The following SCUBE3 variants were observed in gnomAD, a reference collection of about 807,000 sequenced individuals.
The protein encoded by SCUBE3 is signal peptide, CUB domain and EGF like domain containing 3, also known as signal peptide, CUB and EGF-like domain-containing protein 3.
Under a neutral mutation model 116.8 loss-of-function variants are expected in SCUBE3, and 33 were observed. The observed-to-expected ratio is 0.28, with a 90% CI of 0.21 to 0.38. SCUBE3 has a LOEUF of 0.38. SCUBE3 is among the 10% of genes least tolerant of loss of function. SCUBE3 has a pLI of 1.00. For missense variants in SCUBE3, 1,007 were observed against 1,324.8 expected (o/e 0.76, Z 3.72); for synonymous variants, 418 against 496.9 (o/e 0.84, Z 2.11).
rs1783381316 is a variant in SCUBE3 at position 35,227,651 on chromosome 6, T to C, written c.157T>C (p.Tyr53His). Residue 53 changes from tyrosine to histidine, a missense_variant, in exon 2 of 22, where the codon TAC becomes CAC. Around this residue, in one of 5 missense-constraint regions of SCUBE3, gnomAD observed 94 missense variants for 92.0 expected, o/e 1.02. Transcript: ENST00000274938. Reference protein sequence around the residue: ...DAICQNTPRSYKCICKSGYTG... With the variant: ...DAICQNTPRSHKCICKSGYTG... ...TATCTGCCAGAACACCCCGAGGTCA[T>C]ACAAGTGCATCTGCAAGTCTGGCTA... is the stretch of plus-strand genomic sequence containing the variant. The C allele has an allele frequency of 6.2e-7, 1 of 1,614,128 alleles. No homozygotes were observed. Among genetic ancestry groups the C allele is most frequent in the Non-Finnish European group, 8.5e-7 (1 of 1,180,006 alleles).
chr6:35,233,326 A>C lies in SCUBE3; in HGVS notation c.712+25A>C. 1 of 1,263,004 alleles carries C rather than the reference A, an allele frequency of 7.9e-7. No individual in the cohort carries two copies. The highest frequency in any genetic ancestry group is 1.2e-6 in the Non-Finnish European group (1 of 862,192). The allele number at this position is 1,263,004 out of a possible 1,614,324, so 78.2% of individuals were successfully genotyped here. Reference sequence around the variant, plus strand: ...GGTGGGTGAGGCCAGGGGAGAACTCAGTCCACCTGAGATGGGGTGGGGGTG... The same window carrying C: ...GGTGGGTGAGGCCAGGGGAGAACTCCGTCCACCTGAGATGGGGTGGGGGTG... On this transcript the variant is annotated intron_variant, in intron 6 of 21. Transcript: ENST00000274938. This position sits in a 1 kb window ranked among gnomAD's most constrained non-coding sequence, Gnocchi z 5.7.
chr6:35,242,045 C>T (rs1294371180), intron 12 of SCUBE3, 135 bp downstream of exon 12: 8 of 836,650 alleles, frequency 9.6e-6, no homozygotes, highest in Admixed American at 8.8e-5. Flanking sequence ...AACCCTGCTC[C>T]CTCACTCCCT....
chr6:35,242,221 A>G lies in SCUBE3; in HGVS notation c.1435A>G (p.Ile479Val). Residue 479 changes from isoleucine to valine, a missense_variant, in exon 13 of 22, where the codon ATT becomes GTT. Coordinates refer to ENST00000274938, the MANE Select transcript of SCUBE3 (RefSeq NM_152753.4). ...NHCHEAAVLS[I>V]KQRASFKIKD... The stretch of plus-strand genomic sequence containing the variant: ...CCCTCTAGAGGCTGCAGTGCTGTCC[A>G]TTAAACAACGGGCCTCCTTCAAGAT... 1.9e-6 allele frequency: 3 copies of G among 1,613,712 alleles called. No homozygotes were observed. The highest frequency in any genetic ancestry group is 1.1e-5 in the South Asian group (1 of 91,052).
Position 35,226,585 on chromosome 6 carries a change from C to T in SCUBE3, c.86-995C>T, listed in dbSNP as rs998612779. On this transcript the variant is annotated intron_variant, in intron 1 of 21. Coordinates refer to ENST00000274938, the MANE Select transcript of SCUBE3 (RefSeq NM_152753.4). Reference sequence around the variant, plus strand: ...GCAACCTCCGCCTCCCTGGTTCAAGCGATTCTCCTGCCACAGCCTCCTGAG... The same window carrying T: ...GCAACCTCCGCCTCCCTGGTTCAAGTGATTCTCCTGCCACAGCCTCCTGAG... 9.0e-5 allele frequency among the ~76,000 whole-genome samples: 13 copies of T among 143,938 alleles called. No homozygotes were observed. In the South Asian group the frequency reaches 1.2e-3, roughly 13 times the overall value. 94.4% of individuals were successfully genotyped at this position (143,938 alleles called of 152,430 possible). A position where few individuals can be genotyped will look rare whatever the true frequency, so the allele number is the denominator to read the frequency against.
intron 21 of SCUBE3, 101 bp downstream of exon 21, chr6:35,246,386 A>T: frequency 4.7e-6 from 4 of 851,646 alleles, no homozygotes; most frequent in Non-Finnish European, 3.9e-6. Context: ...CACTTGATAG[A>T]CACAATAGCT....
At position 35,228,725 on chromosome 6, in the gene SCUBE3, G is replaced by A; in HGVS notation, c.320G>A (p.Gly107Glu). ...GATGGATTCCACCTGGCACATGACGGACACAACTGTCTGGGTAAGCAAAGG... is the reference window on the plus strand; with the variant it reads ...GATGGATTCCACCTGGCACATGACGAACACAACTGTCTGGGTAAGCAAAGG... The part of the protein sequence containing the change: ...CYDGFHLAHD[G>E]HNCLDVDECA... The change falls in exon 3 of 22, where the codon GGA becomes GAA. Residue 107 changes from glycine (G) to glutamate (E), a missense_variant. This residue lies in a region of SCUBE3 where 37 missense variants were observed against 80.6 expected (regional missense o/e 0.46). Coordinates refer to ENST00000274938, the MANE Select transcript of SCUBE3 (RefSeq NM_152753.4). The surrounding 1 kb of genome is among the most constrained non-coding windows in gnomAD (Gnocchi z 4.9). The A allele has an allele frequency of 6.2e-7, 1 of 1,614,130 alleles. No homozygotes were observed.
Position 35,242,957 on chromosome 6 carries a change from C to T in SCUBE3, c.1694-64C>T, listed in dbSNP as rs987810413. 33 of 1,558,240 alleles carry T rather than the reference C, an allele frequency of 2.1e-5. No homozygotes were observed. In the African/African-American group the frequency reaches 4.2e-4, roughly 20 times the overall value. ...GCCCCTCCTAGCTCCCAGCTTTGCT[C>T]CCCTGCCCTCCTGCTCACAGCAACT... On this transcript the variant is annotated intron_variant, in intron 14 of 21. Coordinates refer to ENST00000274938, the MANE Select transcript of SCUBE3 (RefSeq NM_152753.4).
Position 35,241,713 on chromosome 6 carries a change from G to T in SCUBE3, c.1312+54G>T, listed in dbSNP as rs1197664585. 1 of 1,508,450 alleles carries T rather than the reference G, an allele frequency of 6.6e-7. No homozygotes were observed. Among genetic ancestry groups the T allele is most frequent in the East Asian group, 2.3e-5 (1 of 44,326 alleles). 93.4% of individuals were successfully genotyped at this position (1,508,450 alleles called of 1,614,324 possible). ...TTGGAGGAGAAAAGAGGAAGGACTG[G>T]CCGTTCAGGCAGCTCCTTCATTCCC... On this transcript the variant is annotated intron_variant, in intron 11 of 21. Coordinates refer to ENST00000274938, the MANE Select transcript of SCUBE3 (RefSeq NM_152753.4). This position sits in a 1 kb window ranked among gnomAD's most constrained non-coding sequence, Gnocchi z 4.1.
Position 35,241,535 on chromosome 6 carries a change from C to T in SCUBE3, c.1196-8C>T. 1.2e-6 allele frequency: 2 copies of T among 1,600,132 alleles called. No individual in the cohort carries two copies. The highest frequency in any genetic ancestry group is 3.3e-5 in the Admixed American group (2 of 60,004). Reference sequence around the variant, plus strand: ...ATTCATTTGCTCAGGCCTCTCTCCCCTTCCTAGAGCCACTGAAGTGTCAGG... The same window carrying T: ...ATTCATTTGCTCAGGCCTCTCTCCCTTTCCTAGAGCCACTGAAGTGTCAGG... On this transcript the variant is annotated splice_polypyrimidine_tract_variant and splice_region_variant and intron_variant, in intron 10 of 21. Transcript: ENST00000274938. The surrounding 1 kb of genome is among the most constrained non-coding windows in gnomAD (Gnocchi z 4.1).
At chr6:35,237,462 A>G (rs950185437) in intron 6 of SCUBE3, among the ~76,000 whole-genome samples, 7 of 152,048 alleles carry the variant, frequency 4.6e-5, no homozygotes, top group African/African-American at 1.7e-4. Flanking sequence ...AGATTGTCCC[A>G]CCACAATCCC....
At position 35,229,004 on chromosome 6, in the gene SCUBE3, A is replaced by G. The variant is rs78945000; in HGVS notation, c.334+265A>G. ...TAGTGGGTTTAGCCAGTGGTGAGGC[A>G]TGGTAGGAAGCTGATTTGGCTCCAC... On this transcript the variant is annotated intron_variant, in intron 3 of 21. Coordinates refer to ENST00000274938, the MANE Select transcript of SCUBE3 (RefSeq NM_152753.4). 9.3e-3 allele frequency among the ~76,000 whole-genome samples: 1,418 copies of G among 152,302 alleles called. 25 individuals are homozygous for G. The highest frequency in any genetic ancestry group is 0.033 in the African/African-American group (1,355 of 41,560).
In SCUBE3 at chr6:35,244,846, G is replaced by C; in HGVS notation, c.2401+35G>C. 1 of 1,606,804 alleles carries C rather than the reference G, an allele frequency of 6.2e-7. No homozygotes were observed. Among genetic ancestry groups the C allele is most frequent in the Non-Finnish European group, 8.5e-7 (1 of 1,173,772 alleles). On this transcript the variant is annotated intron_variant, in intron 18 of 21. Transcript: ENST00000274938. This position sits in a 1 kb window ranked among gnomAD's most constrained non-coding sequence, Gnocchi z 4.3. ...AAGCCAGGCTGTGCAAAAGGGAGGA[G>C]AGAGGCCTGGGAGCAGTGGACATCT...
At position 35,241,408 on chromosome 6, in the gene SCUBE3, G is replaced by A; in HGVS notation, c.1196-135G>A. 1 of 1,153,636 alleles carries A rather than the reference G, an allele frequency of 8.7e-7. No homozygotes were observed. The highest frequency in any genetic ancestry group is 1.3e-6 in the Non-Finnish European group (1 of 782,318). The allele number at this position is 1,153,636 out of a possible 1,614,324, so 71.5% of individuals were successfully genotyped here. The stretch of plus-strand genomic sequence containing the variant: ...TGTAGCCATTTTGAGTTAAAGACAT[G>A]AAATTTGTAGTAAACAATCCCATCA... On this transcript the variant is annotated intron_variant, in intron 10 of 21. Transcript: ENST00000274938. This position sits in a 1 kb window ranked among gnomAD's most constrained non-coding sequence, Gnocchi z 4.1.
Position 35,244,070 on chromosome 6 carries a change from G to T in SCUBE3, c.2179G>T (p.Gly727Cys), listed in dbSNP as rs1208371875. Reference protein sequence around the residue: ...EAGRTLCFPCGGGLTTKHEGA... With the variant: ...EAGRTLCFPCCGGLTTKHEGA... ...AGGACGGACCCTATGCTTCCCTTGTGGTGGGGGCCTCACCACCAAGCATGA... is the reference window on the plus strand; with the variant it reads ...AGGACGGACCCTATGCTTCCCTTGTTGTGGGGGCCTCACCACCAAGCATGA... The change falls in exon 17 of 22, where the codon GGT becomes TGT. Residue 727 changes from glycine to cysteine, a missense_variant. Physicochemically the swap from Gly to Cys is radical, Grantham distance 159. Around this residue, in one of 5 missense-constraint regions of SCUBE3, gnomAD observed 544 missense variants for 638.9 expected, o/e 0.85. Transcript: ENST00000274938. This position sits in a 1 kb window ranked among gnomAD's most constrained non-coding sequence, Gnocchi z 4.3. 1 of 1,614,032 alleles carries T rather than the reference G, an allele frequency of 6.2e-7. No individual in the cohort carries two copies. Among genetic ancestry groups the T allele is most frequent in the South Asian group, 1.1e-5 (1 of 91,060 alleles).
At position 35,245,373 on chromosome 6, in the gene SCUBE3, C is replaced by A; in HGVS notation, c.2547C>A (p.Ile849=). The A allele has an allele frequency of 6.2e-7, 1 of 1,614,186 alleles. No individual in the cohort carries two copies. Among genetic ancestry groups the A allele is most frequent in the Non-Finnish European group, 8.5e-7 (1 of 1,180,040 alleles). Residue 849 remains isoleucine (I), a synonymous_variant, in exon 19 of 22, where the codon ATC becomes ATA. Coordinates refer to ENST00000274938, the MANE Select transcript of SCUBE3 (RefSeq NM_152753.4). This position sits in a 1 kb window ranked among gnomAD's most constrained non-coding sequence, Gnocchi z 4.2. ...AGATCCTTATCGTGGTACCAGAGAT[C>A]TTCCTGCCATCTGAGGATGAGTGTG... ...KRKILIVVPE[I]FLPSEDECGD... is the part of the protein sequence containing the mutation.
intron 3 of SCUBE3, among the ~76,000 whole-genome samples, chr6:35,229,625 C>T (rs898508685): frequency 1.3e-5 from 2 of 152,148 alleles, no homozygotes; most frequent in African/African-American, 4.8e-5. Flanking sequence ...CTGCAATCTC[C>T]AGTCTCACCC....
At position 35,245,370 on chromosome 6, in the gene SCUBE3, G is replaced by T; in HGVS notation, c.2544G>T (p.Glu848Asp). Residue 848 changes from glutamate (E) to aspartate (D), a missense_variant, in exon 19 of 22, where the codon GAG becomes GAT. Transcript: ENST00000274938. The surrounding 1 kb of genome is among the most constrained non-coding windows in gnomAD (Gnocchi z 4.2). ...GCAAGATCCTTATCGTGGTACCAGA[G>T]ATCTTCCTGCCATCTGAGGATGAGT... ...PKRKILIVVP[E>D]IFLPSEDECG... 6.2e-7 allele frequency: 1 copy of T among 1,614,174 alleles called. No individual in the cohort carries two copies. The highest frequency in any genetic ancestry group is 8.5e-7 in the Non-Finnish European group (1 of 1,180,028).
chr6:35,245,742 C>T lies in SCUBE3; in HGVS notation c.2600-202C>T, dbSNP rs1784308426. Among the ~76,000 whole-genome samples the T allele has an allele frequency of 6.6e-6, 1 of 152,078 alleles. No individual in the cohort carries two copies. The highest frequency in any genetic ancestry group is 1.5e-5 in the Non-Finnish European group (1 of 68,018). On this transcript the variant is annotated intron_variant, in intron 19 of 21. Transcript: ENST00000274938. This position sits in a 1 kb window ranked among gnomAD's most constrained non-coding sequence, Gnocchi z 4.2. The stretch of plus-strand genomic sequence containing the variant: ...ATATTTATTACACTATGTGAGTGCC[C>T]AGGTATCAAGGAGGAATTGTGGAAT...
rs1309072462 is a variant in SCUBE3, at chr6:35,214,581, C to A, written c.85+78C>A. On this transcript the variant is annotated intron_variant, in intron 1 of 21. Transcript: ENST00000274938. The surrounding 1 kb of genome is among the most constrained non-coding windows in gnomAD (Gnocchi z 6.3). Reference sequence around the variant, plus strand: ...GGGCCTAGGAGCGATTCCCGAGGGGCAGGGCAGGTGCTGGGGAGCGTGCTG... The same window carrying A: ...GGGCCTAGGAGCGATTCCCGAGGGGAAGGGCAGGTGCTGGGGAGCGTGCTG... 3.2e-6 allele frequency: 3 copies of A among 930,824 alleles called. No homozygotes were observed. Among genetic ancestry groups the A allele is most frequent in the Non-Finnish European group, 4.5e-6 (3 of 672,956 alleles). 57.7% of individuals were successfully genotyped at this position (930,824 alleles called of 1,614,324 possible). A position where few individuals can be genotyped will look rare whatever the true frequency, so the allele number is the denominator to read the frequency against.
Sources: gnomAD v4.1 joint callset for allele counts (sites outside exome capture counted in the v4.1 genomes callset) on GRCh38, gnomAD v4.1.1 for gene constraint, gnomAD v4.1.1 regional missense constraint, Gnocchi (gnomAD v3.1) non-coding constraint, MANE v1.5 for transcripts, NCBI Gene and HGNC (gene_info 2026-07-23, HGNC 2026-07-21) for gene names.